The following CHSY1 variants were observed in gnomAD, a reference collection of about 807,000 sequenced individuals.
CHSY1 encodes the protein chondroitin sulfate synthase 1.
Under a neutral mutation model 59.8 loss-of-function variants are expected in CHSY1, and 13 were observed. That is an observed-to-expected ratio of 0.22 (90% CI 0.14 to 0.35). The LOEUF (loss-of-function observed/expected upper bound fraction) is 0.35. Among genes scored for constraint, CHSY1 ranks in the 10% least tolerant of loss-of-function variants. The probability of loss-of-function intolerance (pLI) is 1.00; values close to 1 mark genes in which losing one functional copy is unlikely to be tolerated. For synonymous variants in CHSY1, 459 were observed against 401.2 expected (o/e 1.14, Z -1.72); for missense variants, 947 against 1,030.6 (o/e 0.92, Z 1.11).
intron 2 of CHSY1, among the ~76,000 whole-genome samples, chr15:101,205,003 T>G (rs1362431257): frequency 6.6e-6 from 1 of 152,178 alleles, no homozygotes; most frequent in East Asian, 1.9e-4. Context: ...ACATACTCTA[T>G]CCACCAGCAA....
At position 101,176,592 on chromosome 15, in the gene CHSY1, G is replaced by A. The variant is rs3784526; in HGVS notation, c.*796C>T. ...TCACGCCCCTTGCTTTAAAACCTAC[G>A]TGGCCAGCTGGGCTTGCATGGTGAA... On this transcript the variant is annotated 3_prime_UTR_variant, in exon 3 of 3. Transcript: ENST00000254190. 0.11 allele frequency: 42,751 copies of A among 391,912 alleles called. 2,632 individuals carry two copies. Among genetic ancestry groups the A allele is most frequent in the East Asian group, 0.23 (6,372 of 27,680 alleles). 24.3% of individuals were successfully genotyped at this position (391,912 alleles called of 1,614,324 possible). A position where few individuals can be genotyped will look rare whatever the true frequency, so the allele number is the denominator to read the frequency against.
intron 2 of CHSY1, among the ~76,000 whole-genome samples, chr15:101,204,361 G>A (rs888158446): frequency 8.6e-5 from 13 of 151,838 alleles, no homozygotes; most frequent in African/African-American, 2.9e-4. Flanking sequence ...TTGAACCCGG[G>A]AGATGGAGGG....
intron 2 of CHSY1, among the ~76,000 whole-genome samples, chr15:101,213,326 G>C (rs12591925): frequency 1.4e-5 from 2 of 140,500 alleles, no homozygotes; most frequent in Non-Finnish European, 3.0e-5. Context: ...CTAGTTTATA[G>C]TCTTTAAAAA....
chr15:101,248,275 T>C (rs1342029265), intron 1 of CHSY1, among the ~76,000 whole-genome samples: 4 of 152,218 alleles, frequency 2.6e-5, no homozygotes, highest in Non-Finnish European at 5.9e-5. Context: ...TCATATGTTA[T>C]ACCCTATAAC....
intron 2 of CHSY1, among the ~76,000 whole-genome samples, chr15:101,222,762 A>T (rs2038802813): frequency 6.6e-6 from 1 of 152,104 alleles, no homozygotes; most frequent in Non-Finnish European, 1.5e-5. Flanking sequence ...TGCAGAGCTG[A>T]TGTGTCTTTC....
chr15:101,188,538 C>T (rs911527664), intron 2 of CHSY1, among the ~76,000 whole-genome samples: 7 of 151,190 alleles, frequency 4.6e-5, no homozygotes, highest in Admixed American at 2.0e-4. Context: ...TCAAGGATTA[C>T]GTTTTGTGTT....
chr15:101,218,425 C>T (rs575391744), intron 2 of CHSY1, among the ~76,000 whole-genome samples: 4 of 152,142 alleles, frequency 2.6e-5, no homozygotes, highest in South Asian at 2.1e-4. Context: ...GGTGAAACCC[C>T]GTCTCTACTA....
At chr15:101,220,665 A>T (rs945577709) in intron 2 of CHSY1, among the ~76,000 whole-genome samples, 1 of 151,958 alleles carries the variant, frequency 6.6e-6, no homozygotes, top group Non-Finnish European at 1.5e-5. Context: ...GTCTGCCCCA[A>T]CTCTCAGGGC....
At chr15:101,227,361 T>C (rs923834543) in intron 2 of CHSY1, among the ~76,000 whole-genome samples, 5 of 152,068 alleles carry the variant, frequency 3.3e-5, no homozygotes, top group South Asian at 2.1e-4. Context: ...AATTTTCCTA[T>C]TGCAAACACC....
intron 1 of CHSY1, among the ~76,000 whole-genome samples, chr15:101,244,840 AT>A (rs113507027): frequency 5.9e-5 from 9 of 152,334 alleles, no homozygotes; most frequent in African/African-American, 2.2e-4. Context: ...AGTTAAGTCA[AT>A]TTTGGTCCTT....
chr15:101,212,140 A>G (rs1274294237), intron 2 of CHSY1, among the ~76,000 whole-genome samples: 1 of 152,228 alleles, frequency 6.6e-6, no homozygotes. Flanking sequence ...AGAATGTCTA[A>G]AACCATAAAA....
intron 2 of CHSY1, among the ~76,000 whole-genome samples, chr15:101,230,924 G>C (rs2038886670): frequency 6.6e-6 from 1 of 152,164 alleles, no homozygotes; most frequent in African/African-American, 2.4e-5. Context: ...CAATTCAGAG[G>C]GCAGTTCTGG....
chr15:101,222,685 TC>T (rs1195808035), intron 2 of CHSY1, among the ~76,000 whole-genome samples: 1 of 152,142 alleles, frequency 6.6e-6, no homozygotes, highest in East Asian at 1.9e-4. Flanking sequence ...TTGCGGAAAA[TC>T]CCACCCCTTG....
At position 101,217,279 on chromosome 15, in the gene CHSY1, ACTATCAATTCATG is replaced by A. The variant is rs565686988; in HGVS notation, c.816+17790_816+17802del. Among the ~76,000 whole-genome samples, 162 of 152,334 alleles carry A rather than the reference ACTATCAATTCATG, an allele frequency of 1.1e-3. 1 individual carries two copies. In the East Asian group the frequency reaches 0.027, roughly 25 times the overall value. ...GGTAATAATCAGAGCTGGAGACATC[ACTATCAATTCATG>A]CTATCAATTCATGCTTAGCTTAATA... is the stretch of plus-strand genomic sequence containing the variant. On this transcript the variant is annotated intron_variant, in intron 2 of 2. Coordinates refer to ENST00000254190, the MANE Select transcript of CHSY1 (RefSeq NM_014918.5).
intron 2 of CHSY1, among the ~76,000 whole-genome samples, chr15:101,205,843 CA>C (rs1295146228): frequency 4.6e-5 from 7 of 151,918 alleles, no homozygotes; most frequent in Admixed American, 6.6e-5. Flanking sequence ...CCCAGCTACT[CA>C]GGGGGGCTGA....
chr15:101,212,626 G>A (rs2038693166), intron 2 of CHSY1, among the ~76,000 whole-genome samples: 1 of 152,332 alleles, frequency 6.6e-6, no homozygotes, highest in Non-Finnish European at 1.5e-5. Flanking sequence ...CATTGGGAAG[G>A]ACAGGAGGAA....
Position 101,177,684 on chromosome 15 carries a change from G to A in CHSY1, c.2113C>T (p.Arg705Ter). The A allele has an allele frequency of 1.2e-6, 2 of 1,614,104 alleles. No homozygotes were observed. Among genetic ancestry groups the A allele is most frequent in the Non-Finnish European group, 1.7e-6 (2 of 1,180,020 alleles). ...ATGGAAACATCAAAGCCACCCACTC[G>A]GACAAGATCTCCCTTATAAATACAC... ...ITCIYKGDLV[R>*]VGGFDVSIQG... Residue 705 changes from arginine (R) to a stop codon, truncating the protein, a stop_gained, in exon 3 of 3, where the codon CGA (arginine) becomes TGA (stop). Transcript: ENST00000254190. LOFTEE classifies it high-confidence loss of function.
At chr15:101,180,615 T>C (rs1324855413) in intron 2 of CHSY1, among the ~76,000 whole-genome samples, 2 of 152,092 alleles carry the variant, frequency 1.3e-5, no homozygotes, top group Non-Finnish European at 2.9e-5. Flanking sequence ...TACTATCAAC[T>C]ACAGGAAAGC....
rs146953247 is a variant in CHSY1 at position 101,178,568 on chromosome 15, A to C, written c.1229T>G (p.Met410Arg). The C allele has an allele frequency of 6.2e-7, 1 of 1,614,212 alleles. No homozygotes were observed. Among genetic ancestry groups the C allele is most frequent in the Non-Finnish European group, 8.5e-7 (1 of 1,180,038 alleles). The change falls in exon 3 of 3, where the codon ATG becomes AGG. Residue 410 changes from methionine to arginine, a missense_variant. This residue lies in a region of CHSY1 where 602 missense variants were observed against 676.9 expected (regional missense o/e 0.89). Coordinates refer to ENST00000254190, the MANE Select transcript of CHSY1 (RefSeq NM_014918.5). Reference protein sequence around the residue: ...AQREALDDIVMQVMEMINANA... With the variant: ...AQREALDDIVRQVMEMINANA... ...GGCATTGATCATCTCCATGACCTGC[A>C]TGACAATGTCGTCCAAGGCTTCCCT...
Sources: gnomAD v4.1 joint callset for allele counts (sites outside exome capture counted in the v4.1 genomes callset) on GRCh38, gnomAD v4.1.1 for gene constraint, gnomAD v4.1.1 regional missense constraint, MANE v1.5 for transcripts, NCBI Gene and HGNC (gene_info 2026-07-23, HGNC 2026-07-21) for gene names.